The following APBB2 variants were observed in gnomAD, a reference collection of about 807,000 sequenced individuals.
The protein encoded by APBB2 is amyloid beta precursor protein binding family B member 2, also known as Fe65-like 1.
A neutral mutation model predicts 82.5 loss-of-function variants in APBB2; 38 were observed. The ratio of observed to expected loss-of-function variants is 0.46; its 90% CI spans 0.36 to 0.60. The LOEUF is 0.60. APBB2 is among the 20% of genes least tolerant of loss of function. The probability of loss-of-function intolerance (pLI) is 0.00; values close to 1 mark genes in which losing one functional copy is unlikely to be tolerated. For synonymous variants in APBB2, 341 were observed against 368.2 expected (o/e 0.93, Z 0.85); for missense variants, 772 against 972.3 (o/e 0.79, Z 2.74).
chr4:40,967,907 A>G (rs1350058250), intron 6 of APBB2, among the ~76,000 whole-genome samples: 2 of 152,200 alleles, frequency 1.3e-5, no homozygotes, highest in Non-Finnish European at 2.9e-5. Context: ...CTACCCATCA[A>G]GTGGAAGGGA....
At chr4:40,818,871 CCA>C in intron 17 of APBB2, among the ~76,000 whole-genome samples, 1 of 152,314 alleles carries the variant, frequency 6.6e-6, no homozygotes, top group East Asian at 1.9e-4. Context: ...ATCTGCTCTC[CCA>C]CCTCATCCTT....
At chr4:40,984,540 A>G (rs567625156) in intron 6 of APBB2, among the ~76,000 whole-genome samples, 1 of 152,258 alleles carries the variant, frequency 6.6e-6, no homozygotes, top group African/African-American at 2.4e-5. Context: ...ACTCCCACTC[A>G]AGAACATTTT....
At chr4:40,993,829 C>A (rs990819711) in intron 6 of APBB2, among the ~76,000 whole-genome samples, 3 of 152,170 alleles carry the variant, frequency 2.0e-5, no homozygotes, top group Admixed American at 2.0e-4. Flanking sequence ...CACAGCACTT[C>A]AAACACAACA....
intron 1 of APBB2, among the ~76,000 whole-genome samples, chr4:41,152,692 A>C (rs1192431322): frequency 6.6e-6 from 1 of 152,154 alleles, no homozygotes. Context: ...GAGATCTTTG[A>C]TTCTGAATGC....
chr4:40,958,034 C>T (rs971826580), intron 6 of APBB2, among the ~76,000 whole-genome samples: 8 of 152,162 alleles, frequency 5.3e-5, no homozygotes, highest in African/African-American at 1.9e-4. Flanking sequence ...AACTAAAAGG[C>T]ATGAAATGTA....
intron 10 of APBB2, among the ~76,000 whole-genome samples, chr4:40,931,288 T>A (rs1578528217): frequency 1.3e-5 from 2 of 152,276 alleles, no homozygotes; most frequent in South Asian, 4.1e-4. Flanking sequence ...CTCCAATGTG[T>A]CTTCACTGAA....
intron 5 of APBB2, among the ~76,000 whole-genome samples, chr4:41,016,330 T>C (rs563577564): frequency 1.3e-5 from 2 of 152,354 alleles, no homozygotes; most frequent in Admixed American, 6.5e-5. Context: ...ATTTTTAATA[T>C]ATAAATAACT....
At chr4:40,993,362 T>C (rs13141424) in intron 6 of APBB2, among the ~76,000 whole-genome samples, 20 of 51,174 alleles carry the variant, frequency 3.9e-4, no homozygotes, top group African/African-American at 1.8e-3. Flanking sequence ...CTCTTCTCTC[T>C]TTTTTTTTTT....
chr4:40,974,264 T>C (rs1199417352), intron 6 of APBB2, among the ~76,000 whole-genome samples: 2 of 152,204 alleles, frequency 1.3e-5, no homozygotes, highest in Admixed American at 6.5e-5. Flanking sequence ...GTCAGACTTA[T>C]AGGTACCAGA....
chr4:40,995,900 C>A (rs533826087), intron 6 of APBB2, among the ~76,000 whole-genome samples: 3 of 152,056 alleles, frequency 2.0e-5, no homozygotes, highest in Non-Finnish European at 4.4e-5. Context: ...GAACTCCTGG[C>A]CTCAAGAGAT....
intron 4 of APBB2, among the ~76,000 whole-genome samples, chr4:41,047,184 T>A (rs115476678): frequency 0.01 from 1,528 of 152,310 alleles, 30 homozygotes; most frequent in African/African-American, 0.035. Flanking sequence ...CAGTAGAAGA[T>A]GAAAAAATTT....
chr4:40,841,792 C>T (rs1450445636), intron 12 of APBB2, among the ~76,000 whole-genome samples: 1 of 152,176 alleles, frequency 6.6e-6, no homozygotes, highest in African/African-American at 2.4e-5. Flanking sequence ...GGTTCTCCTG[C>T]CTAGGCCTCC....
intron 12 of APBB2, among the ~76,000 whole-genome samples, chr4:40,834,783 C>T (rs538994546): frequency 6.6e-6 from 1 of 152,234 alleles, no homozygotes; most frequent in South Asian, 2.1e-4. Flanking sequence ...AACGGATTCT[C>T]CCCGAGAGCC....
At chr4:40,950,013 G>A (rs1044002485) in intron 6 of APBB2, among the ~76,000 whole-genome samples, 2 of 152,184 alleles carry the variant, frequency 1.3e-5, no homozygotes, top group African/African-American at 4.8e-5. Context: ...AGAGCGACTC[G>A]CCTGGAGGAC....
At chr4:41,142,711 G>C (rs993598015) in intron 2 of APBB2, among the ~76,000 whole-genome samples, 1 of 152,172 alleles carries the variant, frequency 6.6e-6, no homozygotes, top group Non-Finnish European at 1.5e-5. Flanking sequence ...TCCAATATTT[G>C]TGCCAACGTC....
intron 6 of APBB2, among the ~76,000 whole-genome samples, chr4:40,970,790 C>A (rs1795758550): frequency 6.6e-6 from 1 of 152,108 alleles, no homozygotes; most frequent in African/African-American, 2.4e-5. Context: ...TGGAACCTGG[C>A]CAGTTTTAGC....
intron 10 of APBB2, among the ~76,000 whole-genome samples, chr4:40,902,617 T>C (rs922836248): frequency 1.1e-4 from 17 of 152,338 alleles, no homozygotes; most frequent in African/African-American, 4.1e-4. Flanking sequence ...CACTGCAGCC[T>C]TGACCTCCCA....
chr4:40,961,224 T>G (rs1392969342), intron 6 of APBB2, among the ~76,000 whole-genome samples: 2 of 152,242 alleles, frequency 1.3e-5, no homozygotes, highest in African/African-American at 4.8e-5. Flanking sequence ...TTCATCCTAT[T>G]TCATTCATCT....
intron 2 of APBB2, among the ~76,000 whole-genome samples, chr4:41,113,109 A>C (rs1462456170): frequency 1.3e-5 from 2 of 152,210 alleles, no homozygotes; most frequent in African/African-American, 4.8e-5. Flanking sequence ...TGGGTTATTT[A>C]ACTGAAGGAA....
Sources: allele counts gnomAD v4.1 joint callset (sites outside exome capture counted in the v4.1 genomes callset), GRCh38; gene constraint gnomAD v4.1.1; transcripts MANE v1.5; gene names NCBI Gene and HGNC (gene_info 2026-07-23, HGNC 2026-07-21).